The following PTK2B variants were observed in gnomAD, a reference collection of about 807,000 sequenced individuals.
The protein encoded by PTK2B is protein tyrosine kinase 2 beta, also known as protein-tyrosine kinase 2-beta.
A neutral mutation model predicts 142.9 loss-of-function variants in PTK2B; 71 were observed. That is an observed-to-expected ratio of 0.50 (90% CI 0.41 to 0.61). The LOEUF (loss-of-function observed/expected upper bound fraction) is 0.61, where lower values mean the gene tolerates loss of function less well. PTK2B is among the 20% of genes least tolerant of loss of function. The pLI, the probability that PTK2B is intolerant of heterozygous loss-of-function variation, is 0.00. For synonymous variants in PTK2B, 519 were observed against 503.4 expected (o/e 1.03, Z -0.42); for missense variants, 1,105 against 1,320.4 (o/e 0.84, Z 2.53).
chr8:27,452,529 T>C (rs944207876), intron 27 of PTK2B: 2 of 145,592 alleles, frequency 1.4e-5, no homozygotes, highest in African/African-American at 5.2e-5. Context: ...ATCACGCCAC[T>C]GTGCTCCAGC....
At chr8:27,433,251 G>A (rs559360823) in intron 10 of PTK2B, 184 bp from the exon 11 acceptor site, 12 of 591,876 alleles carry the variant, frequency 2.0e-5, no homozygotes, top group East Asian at 1.1e-4. Flanking sequence ...GAGCATGGGC[G>A]TACAGGTGAA....
At chr8:27,377,159 T>G (rs190725643) in intron 1 of PTK2B, among the ~76,000 whole-genome samples, 1 of 152,242 alleles carries the variant, frequency 6.6e-6, no homozygotes, top group East Asian at 1.9e-4. Flanking sequence ...AAGACCTCTT[T>G]GGTACTGAAA....
chr8:27,425,093 TA>T (rs967710969), intron 5 of PTK2B, among the ~76,000 whole-genome samples: 2 of 151,994 alleles, frequency 1.3e-5, no homozygotes, highest in African/African-American at 4.8e-5. Flanking sequence ...GTTATGTTTC[TA>T]TATAACATTT....
Position 27,436,134 on chromosome 8 carries a change from C to A in PTK2B, c.1244-117C>A. ...CATTTCCCCAGCCCAGTCCCTGGAT[C>A]TTGGCTGAGGTGTTATAGATCTGGT... On this transcript the variant is annotated intron_variant, in intron 14 of 30. Transcript: ENST00000346049. 3 of 978,824 alleles carry A rather than the reference C, an allele frequency of 3.1e-6. No individual in the cohort carries two copies. In the South Asian group the frequency reaches 4.4e-5, roughly 14 times the overall value. 60.6% of individuals were successfully genotyped at this position (978,824 alleles called of 1,614,324 possible).
At chr8:27,425,703 A>T (rs777124445) in intron 5 of PTK2B, among the ~76,000 whole-genome samples, 2 of 152,226 alleles carry the variant, frequency 1.3e-5, no homozygotes, top group Non-Finnish European at 2.9e-5. Flanking sequence ...TAAATGAATA[A>T]TGACCTATAT....
chr8:27,337,897 C>T (rs548915117), intron 1 of PTK2B, among the ~76,000 whole-genome samples: 177 of 152,230 alleles, frequency 1.2e-3, no homozygotes, highest in African/African-American at 4.0e-3. Flanking sequence ...GTGGAGTTGC[C>T]GGGTCCTGTG....
intron 16 of PTK2B, 71 bp downstream of exon 16, chr8:27,437,277 A>G: frequency 3.9e-6 from 6 of 1,558,338 alleles, no homozygotes; most frequent in Non-Finnish European, 5.3e-6. Context: ...AGGGGTGAAC[A>G]GTGCAGGGAC....
chr8:27,433,964 G>T (rs976878072), intron 11 of PTK2B, 129 bp from the exon 12 acceptor site: 5 of 1,273,024 alleles, frequency 3.9e-6, no homozygotes, highest in Non-Finnish European at 5.7e-6. Context: ...TAGCTCCCAG[G>T]CTAGGAGAGA....
At chr8:27,360,748 A>G (rs1805651669) in intron 1 of PTK2B, among the ~76,000 whole-genome samples, 1 of 152,214 alleles carries the variant, frequency 6.6e-6, no homozygotes, top group South Asian at 2.1e-4. Flanking sequence ...CTTCTGTGCA[A>G]ACATTTCACC....
Position 27,334,744 on chromosome 8 carries a change from G to A in PTK2B, c.-38+9063G>A, listed in dbSNP as rs549994369. Among the ~76,000 whole-genome samples, 25 of 152,144 alleles carry A rather than the reference G, an allele frequency of 1.6e-4. No homozygotes were observed. In the East Asian group the frequency reaches 2.9e-3, roughly 18 times the overall value. On this transcript the variant is annotated intron_variant, in intron 1 of 30. Coordinates refer to ENST00000346049, the MANE Select transcript of PTK2B (RefSeq NM_173176.3). ...GCCAGACAGCGCTTCCTCATTCCCC[G>A]CAGTGGGTGTCGCAACAGCCAGTTG...
At chr8:27,428,856 T>G (rs1051283224) in intron 5 of PTK2B, among the ~76,000 whole-genome samples, 1 of 152,234 alleles carries the variant, frequency 6.6e-6, no homozygotes, top group African/African-American at 2.4e-5. Flanking sequence ...TTATTAAGGA[T>G]ATAGCGTTTT....
At chr8:27,454,500 T>A in intron 29 of PTK2B, 31 bp from the exon 30 acceptor site, 1 of 1,605,286 alleles carries the variant, frequency 6.2e-7, no homozygotes. Flanking sequence ...TAGCTAGGAG[T>A]GGCGGCCATC....
intron 1 of PTK2B, among the ~76,000 whole-genome samples, chr8:27,381,558 CA>C (rs1253030115): frequency 2.0e-5 from 3 of 152,206 alleles, no homozygotes; most frequent in Non-Finnish European, 4.4e-5. Flanking sequence ...TGTTGATGGG[CA>C]CTTCGGTTGA....
In PTK2B at chr8:27,454,433, G is replaced by A. The variant is rs192315940; in HGVS notation, c.2734-98G>A. 8.7e-4 allele frequency: 1,349 copies of A among 1,548,792 alleles called. 4 individuals carry two copies. Among genetic ancestry groups the A allele is most frequent in the Non-Finnish European group, 1.1e-3 (1,223 of 1,127,152 alleles). ...GGGAATTGAGTCCCAGGCCACTCGC[G>A]GGGGACAAGCACCACCCCAGGAGAG... is the stretch of plus-strand genomic sequence containing the variant. On this transcript the variant is annotated intron_variant, in intron 29 of 30. Transcript: ENST00000346049.
intron 1 of PTK2B, among the ~76,000 whole-genome samples, chr8:27,379,759 T>C (rs147859876): frequency 7.9e-5 from 12 of 152,258 alleles, no homozygotes; most frequent in Non-Finnish European, 1.6e-4. Context: ...ATCTGTGCAT[T>C]TTATTTTTGA....
rs5890365 is a variant in PTK2B at position 27,327,410 on chromosome 8, G to GT, written c.-38+1739dup. Among the ~76,000 whole-genome samples, 381 of 150,074 alleles carry GT rather than the reference G, an allele frequency of 2.5e-3. 1 individual carries two copies. The highest frequency in any genetic ancestry group is 7.3e-3 in the African/African-American group (299 of 40,842). ...TTGAATTTCAGATAAGCACTCAATG[G>GT]TTTTTTTTTTCACTACAAATATGTC... is the stretch of plus-strand genomic sequence containing the variant. On this transcript the variant is annotated intron_variant, in intron 1 of 30. Transcript: ENST00000346049.
intron 3 of PTK2B, among the ~76,000 whole-genome samples, chr8:27,314,435 G>T (rs539978782): frequency 1.3e-5 from 2 of 152,292 alleles, no homozygotes; most frequent in African/African-American, 4.8e-5. Flanking sequence ...AATACAACGG[G>T]CGCGTGTGGT....
At chr8:27,311,148 C>T (rs1393683095), upstream of PTK2B, 2 of 1,606,276 alleles carry the variant, frequency 1.2e-6, no homozygotes, top group South Asian at 2.2e-5. Flanking sequence ...GTGACTGCGT[C>T]GCGGAAGGGG....
At chr8:27,315,496 C>G (rs1197240540) in intron 3 of PTK2B, among the ~76,000 whole-genome samples, 1 of 152,188 alleles carries the variant, frequency 6.6e-6, no homozygotes, top group African/African-American at 2.4e-5. Flanking sequence ...CCCCCCAACG[C>G]AGAGACTCTT....
Sources: allele counts gnomAD v4.1 joint callset (sites outside exome capture counted in the v4.1 genomes callset), GRCh38; gene constraint gnomAD v4.1.1; transcripts MANE v1.5; gene names NCBI Gene and HGNC (gene_info 2026-07-23, HGNC 2026-07-21).